The following RORA variants were observed in gnomAD, a reference collection of about 807,000 sequenced individuals.
RORA encodes the protein RAR related orphan receptor A.
A neutral mutation model predicts 69.5 loss-of-function variants in RORA; 7 were observed. The observed-to-expected ratio is 0.10, with a 90% CI of 0.06 to 0.19. RORA has a LOEUF of 0.19. Among genes scored for constraint, RORA ranks in the 10% least tolerant of loss-of-function variants. RORA has a pLI of 1.00. For missense variants in RORA, 457 were observed against 663.0 expected, an observed-to-expected ratio of 0.69 and a Z score of 3.41; for synonymous variants, 261 against 240.8, an observed-to-expected ratio of 1.08 and a Z score of -0.78.
chr15:60,524,726 A>G (rs2066290208), intron 3 of RORA, among the ~76,000 whole-genome samples: 1 of 152,254 alleles, frequency 6.6e-6, no homozygotes, highest in South Asian at 2.1e-4. Context: ...TTGAACAACC[A>G]GAGGAAAAAA....
chr15:60,928,966 T>A (rs752606531), intron 1 of RORA, among the ~76,000 whole-genome samples: 1 of 152,142 alleles, frequency 6.6e-6, no homozygotes, highest in African/African-American at 2.4e-5. Context: ...CTTTTTTTAA[T>A]CTTGAATTGT....
At chr15:60,533,210 G>T (rs1442807146) in intron 2 of RORA, among the ~76,000 whole-genome samples, 1 of 152,178 alleles carries the variant, frequency 6.6e-6, no homozygotes, top group Non-Finnish European at 1.5e-5. Flanking sequence ...GGGAGTGCAA[G>T]CTATTCTAAA....
At chr15:60,632,334 C>T (rs911592601) in intron 2 of RORA, among the ~76,000 whole-genome samples, 2 of 152,038 alleles carry the variant, frequency 1.3e-5, no homozygotes, top group Admixed American at 6.5e-5. Context: ...GTCTCGATCT[C>T]CTGACCTCGT....
Position 60,884,526 on chromosome 15 carries a change from C to A in RORA, c.167-205840G>T, listed in dbSNP as rs531539294. 9.2e-5 allele frequency among the ~76,000 whole-genome samples: 14 copies of A among 152,090 alleles called. No homozygotes were observed. The South Asian group carries it at 2.7e-3, about 29-fold the overall frequency. ...ACAAACAAATCTAAAAATATAAATCCACATTTGTGTATGGAGAGAGAGCAA... is the reference window on the plus strand; with the variant it reads ...ACAAACAAATCTAAAAATATAAATCAACATTTGTGTATGGAGAGAGAGCAA... On this transcript the variant is annotated intron_variant, in intron 1 of 10. Transcript: ENST00000335670.
chr15:61,020,611 A>G (rs1364171480), intron 1 of RORA, among the ~76,000 whole-genome samples: 1 of 152,176 alleles, frequency 6.6e-6, no homozygotes, highest in Non-Finnish European at 1.5e-5. Flanking sequence ...CCTCAGAGAG[A>G]CTGATCAAAG....
intron 2 of RORA, among the ~76,000 whole-genome samples, chr15:60,619,153 G>A (rs1011167908): frequency 1.3e-5 from 2 of 152,164 alleles, no homozygotes; most frequent in African/African-American, 2.4e-5. Context: ...ACTGCTTACT[G>A]TAATGTTTCA....
At chr15:60,507,080 A>G (rs1189463297) in intron 5 of RORA, among the ~76,000 whole-genome samples, 1 of 152,154 alleles carries the variant, frequency 6.6e-6, no homozygotes. Flanking sequence ...CAGGAGGACC[A>G]CATAGAAGGC....
chr15:60,633,500 C>T (rs574917922), intron 2 of RORA, among the ~76,000 whole-genome samples: 1 of 152,298 alleles, frequency 6.6e-6, no homozygotes, highest in African/African-American at 2.4e-5. Context: ...GCTTCAGGAA[C>T]TGGATAATGT....
At chr15:60,960,382 C>T (rs1001093664) in intron 1 of RORA, among the ~76,000 whole-genome samples, 1 of 152,168 alleles carries the variant, frequency 6.6e-6, no homozygotes, top group African/African-American at 2.4e-5. Context: ...AGGTGGGGGA[C>T]TCTCTTAGGA....
chr15:60,688,271 G>A (rs553284785), intron 1 of RORA, among the ~76,000 whole-genome samples: 44 of 152,052 alleles, frequency 2.9e-4, no homozygotes, highest in African/African-American at 1.0e-3. Flanking sequence ...AAAAAAAAAT[G>A]TATAGAAAAA....
chr15:60,608,315 G>T (rs340010), intron 2 of RORA, among the ~76,000 whole-genome samples: 1 of 152,132 alleles, frequency 6.6e-6, no homozygotes, highest in African/African-American at 2.4e-5. Flanking sequence ...CCTCCAAATT[G>T]CTTTTACATT....
chr15:60,853,106 G>A (rs1475491058), intron 1 of RORA, among the ~76,000 whole-genome samples: 5 of 150,976 alleles, frequency 3.3e-5, no homozygotes, highest in Middle Eastern at 3.4e-3. Flanking sequence ...AGTTCAGGGC[G>A]GAGGGGGAGA....
intron 1 of RORA, among the ~76,000 whole-genome samples, chr15:60,831,340 C>T (rs1040591284): frequency 6.6e-5 from 10 of 152,126 alleles, no homozygotes; most frequent in African/African-American, 9.7e-5. Context: ...GTCACCCTCA[C>T]GACTCAGTGG....
At chr15:60,972,648 G>C (rs1893752233) in intron 1 of RORA, among the ~76,000 whole-genome samples, 1 of 152,154 alleles carries the variant, frequency 6.6e-6, no homozygotes, top group South Asian at 2.1e-4. Flanking sequence ...GTTTAGTCTG[G>C]ATTTAAATGC....
At position 61,110,022 on chromosome 15, in the gene RORA, A is replaced by C. The variant is rs928133620; in HGVS notation, c.166+119031T>G. 2.5e-4 allele frequency among the ~76,000 whole-genome samples: 37 copies of C among 147,264 alleles called. 1 individual carries two copies. The highest frequency in any genetic ancestry group is 9.4e-4 in the African/African-American group (37 of 39,244). ...TATTGCCTAGTGATGTAGCCATCAA[A>C]ATGTCTTATGGCAATGAGTTAATCA... On this transcript the variant is annotated intron_variant, in intron 1 of 10. Coordinates refer to ENST00000335670, the MANE Select transcript of RORA (RefSeq NM_134261.3).
At chr15:60,626,059 C>T (rs993619934) in intron 2 of RORA, among the ~76,000 whole-genome samples, 1 of 152,226 alleles carries the variant, frequency 6.6e-6, no homozygotes, top group African/African-American at 2.4e-5. Context: ...ACGCTGCTGC[C>T]TCAGGGAGCC....
At chr15:60,935,252 T>C (rs950051236) in intron 1 of RORA, among the ~76,000 whole-genome samples, 5 of 152,252 alleles carry the variant, frequency 3.3e-5, no homozygotes, top group Admixed American at 3.3e-4. Flanking sequence ...TGTAATTGGC[T>C]GGATATTCTG....
chr15:60,739,106 G>C (rs2071540236), intron 1 of RORA, among the ~76,000 whole-genome samples: 1 of 152,148 alleles, frequency 6.6e-6, no homozygotes, highest in African/African-American at 2.4e-5. Context: ...CAAAATATAA[G>C]TTTTGAGGAG....
chr15:61,140,382 C>A (rs746118470), intron 1 of RORA, among the ~76,000 whole-genome samples: 3 of 152,120 alleles, frequency 2.0e-5, no homozygotes, highest in African/African-American at 4.8e-5. Context: ...GATTAATAAC[C>A]CCCGCCAAAA....
Sources: gnomAD v4.1 joint callset for allele counts (sites outside exome capture counted in the v4.1 genomes callset) on GRCh38, gnomAD v4.1.1 for gene constraint, MANE v1.5 for transcripts, NCBI Gene and HGNC (gene_info 2026-07-23, HGNC 2026-07-21) for gene names.